MYT1L: variants seen among roughly 807,000 people sequenced by gnomAD.
The protein encoded by MYT1L is myelin transcription factor 1-like protein.
In MYT1L, 12 loss-of-function variants were observed where a neutral mutation model predicts 126.7. That is an observed-to-expected ratio of 0.09 (90% CI 0.06 to 0.15). The LOEUF (loss-of-function observed/expected upper bound fraction) is 0.15. Ranked by LOEUF, MYT1L falls within the 10% of genes least tolerant of loss-of-function variation. The probability of loss-of-function intolerance (pLI) is 1.00; values close to 1 mark genes in which losing one functional copy is unlikely to be tolerated. For missense variants in MYT1L, 979 were observed against 1,585.2 expected, an observed-to-expected ratio of 0.62 and a Z score of 6.49; for synonymous variants, 541 against 604.2, an observed-to-expected ratio of 0.90 and a Z score of 1.53.
chr2:1,934,931 G>A (rs1248763077), intron 9 of MYT1L, among the ~76,000 whole-genome samples: 2 of 152,116 alleles, frequency 1.3e-5, no homozygotes, highest in Non-Finnish European at 2.9e-5. Context: ...AGACACAGGT[G>A]GCTGCTCACA....
intron 3 of MYT1L, among the ~76,000 whole-genome samples, chr2:2,159,363 A>C (rs1170930779): frequency 1.3e-5 from 2 of 152,064 alleles, no homozygotes; most frequent in African/African-American, 4.8e-5. Flanking sequence ...CCTCCTCTCC[A>C]CTGCAAATGC....
At chr2:2,071,036 G>C (rs1439500573) in intron 3 of MYT1L, among the ~76,000 whole-genome samples, 1 of 151,940 alleles carries the variant, frequency 6.6e-6, no homozygotes, top group Non-Finnish European at 1.5e-5. Context: ...GAGGATATGG[G>C]GTGAAGTCTA....
intron 3 of MYT1L, among the ~76,000 whole-genome samples, chr2:2,075,516 C>T (rs2075123885): frequency 6.6e-6 from 1 of 152,192 alleles, no homozygotes; most frequent in South Asian, 2.1e-4. Context: ...AGGTGGAAGA[C>T]TGAGGTCTAT....
intron 5 of MYT1L, among the ~76,000 whole-genome samples, chr2:1,981,951 G>C (rs758944336): frequency 2.6e-5 from 4 of 152,178 alleles, no homozygotes; most frequent in African/African-American, 4.8e-5. Flanking sequence ...CAACACAATG[G>C]CTCATCAGGC....
intron 3 of MYT1L, among the ~76,000 whole-genome samples, chr2:2,085,317 G>A (rs1464520723): frequency 6.6e-6 from 1 of 152,094 alleles, no homozygotes; most frequent in Admixed American, 6.5e-5. Flanking sequence ...CTAAGCAGTT[G>A]AGTACACCTG....
At chr2:2,177,679 G>A (rs2090969647) in intron 2 of MYT1L, among the ~76,000 whole-genome samples, 1 of 152,204 alleles carries the variant, frequency 6.6e-6, no homozygotes, top group Admixed American at 6.5e-5. Flanking sequence ...GAGAGAATTT[G>A]AGAGAATCCA....
intron 1 of MYT1L, among the ~76,000 whole-genome samples, chr2:2,308,776 A>G (rs190110537): frequency 1.3e-5 from 2 of 151,572 alleles, no homozygotes; most frequent in African/African-American, 4.8e-5. Flanking sequence ...CCATACCTTC[A>G]GTACATTGTA....
At chr2:2,154,517 C>T (rs537730559) in intron 3 of MYT1L, among the ~76,000 whole-genome samples, 7 of 152,282 alleles carry the variant, frequency 4.6e-5, no homozygotes, top group African/African-American at 1.7e-4. Context: ...AATGAGATCA[C>T]GTTCTTTGCA....
rs1381792472 is a variant in MYT1L, at chr2:1,982,597, G to A, written c.1-2820C>T. On this transcript the variant is annotated intron_variant, in intron 5 of 24. Coordinates refer to ENST00000647738, the MANE Select transcript of MYT1L (RefSeq NM_001303052.2). The stretch of plus-strand genomic sequence containing the variant: ...GGTTAAAAAGAAAAACTGTGGTGAG[G>A]GTGTGTTCCTCACAGAGGGAACAGG... Among the ~76,000 whole-genome samples the A allele has an allele frequency of 2.6e-5, 4 of 152,170 alleles. No homozygotes were observed. In the East Asian group the frequency reaches 5.8e-4, roughly 22 times the overall value.
chr2:2,292,243 G>A (rs2095610684), intron 1 of MYT1L, among the ~76,000 whole-genome samples: 1 of 152,210 alleles, frequency 6.6e-6, no homozygotes, highest in African/African-American at 2.4e-5. Context: ...AAAGACTGAA[G>A]GCTGCCCTGC....
Position 1,910,341 on chromosome 2 carries a change from G to A in MYT1L, c.1716C>T (p.Ser572=), listed in dbSNP as rs61743488. The change falls in exon 13 of 25, where the codon TCC becomes TCT. Residue 572 remains serine (S), a synonymous_variant. Coordinates refer to ENST00000647738, the MANE Select transcript of MYT1L (RefSeq NM_001303052.2). The surrounding 1 kb of genome is among the most constrained non-coding windows in gnomAD (Gnocchi z 4.8). ...NSNRNSHRSL[S]GCPIAAAEKL... is the part of the protein sequence containing the mutation. ...TCTCTGCTGCAGCGATCGGGCATCCGGAGAGGCTGCAATCACAGAAAGCGG... is the reference window on the plus strand; with the variant it reads ...TCTCTGCTGCAGCGATCGGGCATCCAGAGAGGCTGCAATCACAGAAAGCGG... 1,079 of 1,611,232 alleles carry A rather than the reference G, an allele frequency of 6.7e-4. 7 individuals are homozygous for A. In the African/African-American group the frequency reaches 0.012, roughly 18 times the overall value.
At chr2:2,275,051 G>A (rs1057128756) in intron 2 of MYT1L, among the ~76,000 whole-genome samples, 2 of 152,188 alleles carry the variant, frequency 1.3e-5, no homozygotes, top group Non-Finnish European at 2.9e-5. Flanking sequence ...TAGAGTCAGC[G>A]GGAGCCAGTG....
intron 3 of MYT1L, among the ~76,000 whole-genome samples, chr2:2,116,560 T>A (rs1440189050): frequency 6.6e-6 from 1 of 152,264 alleles, no homozygotes; most frequent in Non-Finnish European, 1.5e-5. Context: ...CCTTGTGATA[T>A]GCACGGCCTT....
intron 12 of MYT1L, 31 bp downstream of exon 12, chr2:1,911,989 C>A: frequency 6.5e-7 from 1 of 1,531,664 alleles, no homozygotes; most frequent in Non-Finnish European, 8.9e-7. Flanking sequence ...CCGGTGCTCC[C>A]TCCCACACCA....
rs114131665 is a variant in MYT1L, at chr2:2,276,204, T to A, written c.-421+8200A>T. Among the ~76,000 whole-genome samples the A allele has an allele frequency of 7.3e-3, 1,110 of 152,274 alleles. 15 individuals are homozygous for A. The highest frequency in any genetic ancestry group is 0.026 in the African/African-American group (1,066 of 41,546). On this transcript the variant is annotated intron_variant, in intron 2 of 24. Coordinates refer to ENST00000647738, the MANE Select transcript of MYT1L (RefSeq NM_001303052.2). ...TTTTTGCTAGGTAAGGTCCGTACAC[T>A]GCAGAGACTATGCTCTGAAAGCTGG...
intron 22 of MYT1L, among the ~76,000 whole-genome samples, chr2:1,803,538 G>T (rs749134385): frequency 2.0e-5 from 3 of 152,242 alleles, no homozygotes; most frequent in Non-Finnish European, 4.4e-5. Flanking sequence ...ACAGAAGTCA[G>T]TGTCATTTTA....
At chr2:2,197,914 A>G (rs768744858) in intron 2 of MYT1L, among the ~76,000 whole-genome samples, 29 of 151,794 alleles carry the variant, frequency 1.9e-4, no homozygotes, top group Non-Finnish European at 1.5e-5. Context: ...AGATGTATAT[A>G]ACATACACAC....
intron 2 of MYT1L, among the ~76,000 whole-genome samples, chr2:2,177,167 A>C (rs1042301257): frequency 3.3e-5 from 5 of 152,218 alleles, no homozygotes; most frequent in Non-Finnish European, 5.9e-5. Context: ...TAAATGGAAC[A>C]ACCTTGTTGT....
chr2:2,285,609 C>T (rs966605775), intron 1 of MYT1L, among the ~76,000 whole-genome samples: 1 of 152,152 alleles, frequency 6.6e-6, no homozygotes, highest in African/African-American at 2.4e-5. Flanking sequence ...CTGGGTCTTC[C>T]CAATTCTGCC....
Sources: gnomAD v4.1 joint callset for allele counts (sites outside exome capture counted in the v4.1 genomes callset) on GRCh38, gnomAD v4.1.1 for gene constraint, Gnocchi (gnomAD v3.1) non-coding constraint, MANE v1.5 for transcripts, NCBI Gene and HGNC (gene_info 2026-07-23, HGNC 2026-07-21) for gene names.